DYNC2I1: variants seen among roughly 807,000 people sequenced by gnomAD.
The protein encoded by DYNC2I1 is cytoplasmic dynein 2 intermediate chain 1.
Under a neutral mutation model 133.4 loss-of-function variants are expected in DYNC2I1, and 89 were observed. That is an observed-to-expected ratio of 0.67 (90% CI 0.56 to 0.80). The LOEUF (loss-of-function observed/expected upper bound fraction) is 0.80. Ranked by LOEUF, DYNC2I1 falls within the 30% of genes least tolerant of loss-of-function variation. DYNC2I1 has a pLI of 0.00. For synonymous variants in DYNC2I1, 504 were observed against 484.3 expected, an observed-to-expected ratio of 1.04 and a Z score of -0.54; for missense variants, 1,291 against 1,314.5, an observed-to-expected ratio of 0.98 and a Z score of 0.28.
intron 9 of DYNC2I1, among the ~76,000 whole-genome samples, chr7:158,902,135 G>A (rs1458183512): frequency 6.6e-6 from 1 of 152,202 alleles, no homozygotes; most frequent in Non-Finnish European, 1.5e-5. Context: ...CGTGATGATA[G>A]TTGATAGGTC....
At chr7:158,889,157 T>C (rs940853668) in intron 7 of DYNC2I1, among the ~76,000 whole-genome samples, 5 of 150,196 alleles carry the variant, frequency 3.3e-5, no homozygotes, top group Non-Finnish European at 7.4e-5. Flanking sequence ...CTTGGCTCAC[T>C]GCAAGCTCTG....
intron 19 of DYNC2I1, 125 bp downstream of exon 19, chr7:158,926,588 G>A (rs922050697): frequency 9.1e-7 from 1 of 1,093,572 alleles, no homozygotes; most frequent in Non-Finnish European, 1.3e-6. Context: ...AGCAAGACTG[G>A]GCTTCTTGGT....
At chr7:158,939,247 T>G (rs1349444906) in intron 23 of DYNC2I1, among the ~76,000 whole-genome samples, 1 of 149,370 alleles carries the variant, frequency 6.7e-6, no homozygotes, top group Non-Finnish European at 1.5e-5. Context: ...TTGAGCAACA[T>G]AGACCTCATC....
At chr7:158,957,576 G>A (rs1161153527), downstream of DYNC2I1, among the ~76,000 whole-genome samples, 1 of 152,190 alleles carries the variant, frequency 6.6e-6, no homozygotes, top group East Asian at 1.9e-4. Flanking sequence ...CGTGCCACGG[G>A]CTATGAGGAA....
chr7:158,887,082 C>G lies in DYNC2I1; in HGVS notation c.990+7C>G, dbSNP rs1844682193. 6.2e-7 allele frequency: 1 copy of G among 1,612,548 alleles called. No individual in the cohort carries two copies. The highest frequency in any genetic ancestry group is 1.1e-5 in the South Asian group (1 of 91,036). On this transcript the variant is annotated splice_region_variant and intron_variant, in intron 7 of 24. Coordinates refer to ENST00000407559, the MANE Select transcript of DYNC2I1 (RefSeq NM_018051.5). ...TAAAGATTCAAGACGGAAGGTAAGG[C>G]AGTCTCCACTGAGAATACATTGATT...
upstream of DYNC2I1, among the ~76,000 whole-genome samples, chr7:158,856,314 T>C (rs2788474): frequency 0.42 from 64,129 of 152,116 alleles, 14,337 homozygotes; most frequent in East Asian, 0.7. Flanking sequence ...TCCGGTCCCG[T>C]GGGAACCCGG....
chr7:158,928,301 C>T (rs753346753), intron 20 of DYNC2I1, among the ~76,000 whole-genome samples: 19 of 150,908 alleles, frequency 1.3e-4, no homozygotes, highest in Non-Finnish European at 2.1e-4. Flanking sequence ...CCTCATTGGC[C>T]TCCCACAACC....
intron 14 of DYNC2I1, among the ~76,000 whole-genome samples, chr7:158,914,572 TATTA>T (rs1177398326): frequency 6.6e-6 from 1 of 152,234 alleles, no homozygotes; most frequent in African/African-American, 2.4e-5. Context: ...TGAATTTTAT[TATTA>T]ATTTCTTACA....
At chr7:158,918,678 T>C (rs1392525473) in intron 14 of DYNC2I1, 62 bp from the exon 15 acceptor site, 17 of 1,586,682 alleles carry the variant, frequency 1.1e-5, no homozygotes, top group Non-Finnish European at 1.3e-5. Flanking sequence ...AGGTAATTTT[T>C]TTTTGGAAAA....
At chr7:158,899,093 A>C (rs1249146269) in intron 8 of DYNC2I1, among the ~76,000 whole-genome samples, 3 of 152,228 alleles carry the variant, frequency 2.0e-5, no homozygotes, top group Admixed American at 1.3e-4. Context: ...TTCCTTAAGT[A>C]AAATGGCATA....
chr7:158,896,883 T>C (rs1845807080), intron 8 of DYNC2I1, among the ~76,000 whole-genome samples: 2 of 151,552 alleles, frequency 1.3e-5, no homozygotes, highest in African/African-American at 4.9e-5. Flanking sequence ...TTTTTTTTCT[T>C]GTAATATCTT....
At chr7:158,914,792 C>A (rs1190312870) in intron 14 of DYNC2I1, among the ~76,000 whole-genome samples, 2 of 151,602 alleles carry the variant, frequency 1.3e-5, no homozygotes, top group Non-Finnish European at 3.0e-5. Context: ...CTCGTCTGAC[C>A]CCCCTGCCCA....
chr7:158,852,430 G>A (rs1397839025), upstream of DYNC2I1, among the ~76,000 whole-genome samples: 1 of 151,602 alleles, frequency 6.6e-6, no homozygotes, highest in Admixed American at 6.6e-5. Flanking sequence ...TGTAAGCGCT[G>A]GTTTTGAGGG....
At chr7:158,864,383 C>T (rs997175428) in intron 1 of DYNC2I1, among the ~76,000 whole-genome samples, 11 of 152,244 alleles carry the variant, frequency 7.2e-5, no homozygotes, top group Non-Finnish European at 1.6e-4. Context: ...AGTGCCTTTG[C>T]TGCTTTGCAC....
At chr7:158,930,371 G>T in intron 20 of DYNC2I1, 84 bp from the exon 21 acceptor site, 1 of 1,180,446 alleles carries the variant, frequency 8.5e-7, no homozygotes. Context: ...TTTAAGCAAT[G>T]AAAAATGATT....
Position 158,887,039 on chromosome 7 carries a change from A to G in DYNC2I1, c.954A>G (p.Val318=). The change falls in exon 7 of 25, where the codon GTA becomes GTG. Residue 318 remains valine (V), a synonymous_variant. Transcript: ENST00000407559. ...GTSSQHAENL[V]RNHGKDKDSR... Reference sequence around the variant, plus strand: ...TTTCCAGGCATGCTGAGAATTTAGTAAGGAATCATGGAAAAGATAAAGATT... The same window carrying G: ...TTTCCAGGCATGCTGAGAATTTAGTGAGGAATCATGGAAAAGATAAAGATT... 1 of 1,613,948 alleles carries G rather than the reference A, an allele frequency of 6.2e-7. No homozygotes were observed. Among genetic ancestry groups the G allele is most frequent in the Non-Finnish European group, 8.5e-7 (1 of 1,179,826 alleles).
At chr7:158,922,615 C>A in intron 16 of DYNC2I1, 66 bp downstream of exon 16, 1 of 1,503,870 alleles carries the variant, frequency 6.6e-7, no homozygotes, top group Non-Finnish European at 9.1e-7. Context: ...CGTGAAGGTG[C>A]AGGTGGGGAG....
At chr7:158,853,791 T>G (rs1282144338), upstream of DYNC2I1, among the ~76,000 whole-genome samples, 1 of 151,928 alleles carries the variant, frequency 6.6e-6, no homozygotes, top group Non-Finnish European at 1.5e-5. Context: ...GTAGCTGGGA[T>G]TACAGGCATG....
At chr7:158,947,491 C>G (rs955520664), downstream of DYNC2I1, among the ~76,000 whole-genome samples, 4 of 152,236 alleles carry the variant, frequency 2.6e-5, no homozygotes, top group South Asian at 2.1e-4. Context: ...GTTCACAGTT[C>G]GTTCTCTGTC....
Sources: allele counts gnomAD v4.1 joint callset (sites outside exome capture counted in the v4.1 genomes callset), GRCh38; gene constraint gnomAD v4.1.1; transcripts MANE v1.5; gene names NCBI Gene and HGNC (gene_info 2026-07-23, HGNC 2026-07-21).